The following SNTG1 variants were observed in gnomAD, a reference collection of about 807,000 sequenced individuals.
SNTG1 encodes the protein gamma-1-syntrophin.
Under a neutral mutation model 74.7 loss-of-function variants are expected in SNTG1, and 39 were observed. The observed-to-expected ratio is 0.52, with a 90% CI of 0.40 to 0.68. SNTG1 has a LOEUF of 0.68. SNTG1 is among the 30% of genes least tolerant of loss of function. The pLI, the probability that SNTG1 is intolerant of heterozygous loss-of-function variation, is 0.00. For missense variants in SNTG1, 685 were observed against 609.5 expected, an observed-to-expected ratio of 1.12 and a Z score of -1.30; for synonymous variants, 254 against 217.1, an observed-to-expected ratio of 1.17 and a Z score of -1.49.
chr8:50,536,879 A>G, intron 11 of SNTG1, 71 bp downstream of exon 11: 2 of 1,555,544 alleles, frequency 1.3e-6, no homozygotes, highest in Non-Finnish European at 1.8e-6. Flanking sequence ...ACCTTTTGAC[A>G]TATCACAATA....
At chr8:50,305,903 T>TAAA (rs5891362) in intron 2 of SNTG1, among the ~76,000 whole-genome samples, 3 of 148,638 alleles carry the variant, frequency 2.0e-5, no homozygotes, top group East Asian at 2.0e-4. Context: ...TATATTTATT[T>TAAA]AAAAAAAAAA....
intron 1 of SNTG1, among the ~76,000 whole-genome samples, chr8:49,921,599 T>G (rs971501313): frequency 6.6e-6 from 1 of 152,144 alleles, no homozygotes; most frequent in African/African-American, 2.4e-5. Flanking sequence ...GTTTACAGCC[T>G]GCTTTAGAAT....
intron 9 of SNTG1, among the ~76,000 whole-genome samples, chr8:50,519,327 A>T (rs2094160113): frequency 6.6e-6 from 1 of 152,224 alleles, no homozygotes; most frequent in African/African-American, 2.4e-5. Flanking sequence ...GCTATTTATG[A>T]CAAACCCACA....
chr8:50,308,937 TTG>T (rs747014533), intron 2 of SNTG1, among the ~76,000 whole-genome samples: 1 of 152,126 alleles, frequency 6.6e-6, no homozygotes, highest in Non-Finnish European at 1.5e-5. Flanking sequence ...AACTAGATTT[TTG>T]TGTGTTATAA....
chr8:50,343,008 T>G (rs982809946), intron 2 of SNTG1, among the ~76,000 whole-genome samples: 15 of 152,198 alleles, frequency 9.9e-5, no homozygotes, highest in Non-Finnish European at 1.2e-4. Context: ...CCTGGGATTT[T>G]ACTCCCAGGA....
chr8:50,044,356 C>T (rs1423387604), intron 1 of SNTG1, among the ~76,000 whole-genome samples: 1 of 152,152 alleles, frequency 6.6e-6, no homozygotes, highest in Admixed American at 6.5e-5. Context: ...AATCACAAGA[C>T]CTGCTTGTAA....
chr8:50,102,689 T>A lies in SNTG1; in HGVS notation c.-102-69872T>A, dbSNP rs994946357. On this transcript the variant is annotated intron_variant, in intron 1 of 18. Transcript: ENST00000642720. ...GTTTTTTTCTAGGGTTTTTATGGTTTTAGGTCTAACGTTTAAATCTTTAAT... is the reference window on the plus strand; with the variant it reads ...GTTTTTTTCTAGGGTTTTTATGGTTATAGGTCTAACGTTTAAATCTTTAAT... Among the ~76,000 whole-genome samples, 11 of 150,982 alleles carry A rather than the reference T, an allele frequency of 7.3e-5. 1 individual carries two copies. Among genetic ancestry groups the A allele is most frequent in the African/African-American group, 2.5e-4 (10 of 40,386 alleles).
At chr8:50,296,066 G>T (rs1477745396) in intron 2 of SNTG1, among the ~76,000 whole-genome samples, 1 of 152,098 alleles carries the variant, frequency 6.6e-6, no homozygotes, top group African/African-American at 2.4e-5. Flanking sequence ...TATTCAATTT[G>T]TCTTTCAGTA....
intron 1 of SNTG1, among the ~76,000 whole-genome samples, chr8:50,061,800 G>A (rs1228506303): frequency 6.6e-6 from 1 of 151,856 alleles, no homozygotes; most frequent in African/African-American, 2.4e-5. Flanking sequence ...TCTTGTTATT[G>A]ATATCTAGCT....
intron 18 of SNTG1, among the ~76,000 whole-genome samples, chr8:50,757,229 C>T (rs540596448): frequency 1.3e-5 from 2 of 151,762 alleles, no homozygotes; most frequent in Non-Finnish European, 2.9e-5. Context: ...TCTTCTTTAG[C>T]CTGTTGATTT....
At chr8:50,390,451 A>T (rs982725184) in intron 2 of SNTG1, among the ~76,000 whole-genome samples, 2 of 152,124 alleles carry the variant, frequency 1.3e-5, no homozygotes, top group African/African-American at 4.8e-5. Flanking sequence ...TACCAGTACC[A>T]TGCTGTTTTA....
intron 15 of SNTG1, among the ~76,000 whole-genome samples, chr8:50,660,419 AAAGAAAG>A (rs1295336672): frequency 1.5e-3 from 20 of 12,984 alleles, no homozygotes; most frequent in Non-Finnish European, 2.9e-3. Context: ...GAAAAGAAAG[AAAGAAAG>A]AAGAAAGAAA....
At chr8:50,448,418 G>T (rs762744168) in intron 5 of SNTG1, among the ~76,000 whole-genome samples, 2 of 152,040 alleles carry the variant, frequency 1.3e-5, no homozygotes, top group Admixed American at 6.5e-5. Context: ...AGGGAAAAAA[G>T]AATATCTCTT....
chr8:50,093,573 T>G (rs766331923), intron 1 of SNTG1, among the ~76,000 whole-genome samples: 17 of 152,218 alleles, frequency 1.1e-4, no homozygotes, highest in Non-Finnish European at 2.5e-4. Context: ...ACTTCATTCC[T>G]GCCTGAAGTT....
chr8:50,159,566 C>T (rs1216099741), intron 1 of SNTG1, among the ~76,000 whole-genome samples: 1 of 152,012 alleles, frequency 6.6e-6, no homozygotes, highest in African/African-American at 2.4e-5. Flanking sequence ...AAGGAAAAAG[C>T]AAAATGTGAG....
intron 2 of SNTG1, among the ~76,000 whole-genome samples, chr8:50,196,113 G>A (rs1206607219): frequency 6.6e-6 from 1 of 152,184 alleles, no homozygotes; most frequent in African/African-American, 2.4e-5. Context: ...TCACACTGCT[G>A]AAGTTGATGG....
intron 4 of SNTG1, among the ~76,000 whole-genome samples, chr8:50,410,600 A>G (rs2092935706): frequency 6.6e-6 from 1 of 152,150 alleles, no homozygotes; most frequent in South Asian, 2.1e-4. Context: ...CCCCTGCTAT[A>G]TATTAGACCC....
At chr8:50,294,196 A>G (rs1390147450) in intron 2 of SNTG1, among the ~76,000 whole-genome samples, 2 of 152,224 alleles carry the variant, frequency 1.3e-5, no homozygotes, top group Non-Finnish European at 2.9e-5. Context: ...ACTTAAGATT[A>G]AGTAATTCCT....
rs573414167 is a variant in SNTG1, at chr8:50,340,428, T to TAGTC, written c.-27-53782_-27-53779dup. 1.7e-4 allele frequency among the ~76,000 whole-genome samples: 26 copies of TAGTC among 152,122 alleles called. No individual in the cohort carries two copies. The East Asian group carries it at 3.3e-3, about 19-fold the overall frequency. On this transcript the variant is annotated intron_variant, in intron 2 of 18. Transcript: ENST00000642720. ...AGTCAGAAATAGCCCTGCACAAATG[T>TAGTC]AGTCAATTGATCTTGACAAAGGAGC...
Sources: gnomAD v4.1 joint callset for allele counts (sites outside exome capture counted in the v4.1 genomes callset) on GRCh38, gnomAD v4.1.1 for gene constraint, MANE v1.5 for transcripts, NCBI Gene and HGNC (gene_info 2026-07-23, HGNC 2026-07-21) for gene names.